MAGI2: variants seen among roughly 807,000 people sequenced by gnomAD.
MAGI2 encodes the protein membrane-associated guanylate kinase, WW and PDZ domain-containing protein 2.
In MAGI2, 35 loss-of-function variants were observed where a neutral mutation model predicts 133.3. The observed-to-expected ratio is 0.26, with a 90% CI of 0.20 to 0.35. The LOEUF (loss-of-function observed/expected upper bound fraction) is 0.35, where lower values mean the gene tolerates loss of function less well. MAGI2 is among the 10% of genes least tolerant of loss of function. MAGI2 has a pLI of 1.00. For missense variants in MAGI2, 1,636 were observed against 1,863.4 expected (o/e 0.88, Z 2.25); for synonymous variants, 729 against 710.6 (o/e 1.03, Z -0.41).
chr7:79,226,502 A>G (rs1830870846), intron 1 of MAGI2, among the ~76,000 whole-genome samples: 1 of 152,190 alleles, frequency 6.6e-6, no homozygotes, highest in South Asian at 2.1e-4. Flanking sequence ...TTCTAACATG[A>G]AAATATCTAA....
At chr7:79,197,939 C>A (rs1351133357) in intron 1 of MAGI2, among the ~76,000 whole-genome samples, 1 of 151,708 alleles carries the variant, frequency 6.6e-6, no homozygotes, top group Admixed American at 6.6e-5. Context: ...TTTGGAGGGA[C>A]CCAAACATTA....
intron 1 of MAGI2, among the ~76,000 whole-genome samples, chr7:79,235,377 G>T (rs1367237577): frequency 2.2e-4 from 33 of 152,144 alleles, no homozygotes; most frequent in Non-Finnish European, 3.8e-4. Context: ...GCAATGGCGG[G>T]CGCCCCTCCC....
chr7:79,321,870 C>G (rs1010192562), intron 1 of MAGI2, among the ~76,000 whole-genome samples: 2 of 152,052 alleles, frequency 1.3e-5, no homozygotes, highest in African/African-American at 2.4e-5. Flanking sequence ...AATAGTGTGC[C>G]CAATTATCAG....
At chr7:78,414,673 C>G (rs12154982) in intron 6 of MAGI2, among the ~76,000 whole-genome samples, 1,925 of 152,110 alleles carry the variant, frequency 0.013, 28 homozygotes, top group South Asian at 0.03. Context: ...CCCCTGCCCC[C>G]CTTCTTTTAG....
At chr7:79,220,747 C>A (rs994886733) in intron 1 of MAGI2, among the ~76,000 whole-genome samples, 1 of 152,084 alleles carries the variant, frequency 6.6e-6, no homozygotes, top group Admixed American at 6.6e-5. Flanking sequence ...CAAGTTGAAA[C>A]TTGTGTGTCT....
At chr7:79,039,310 T>C (rs1811403699) in intron 1 of MAGI2, among the ~76,000 whole-genome samples, 1 of 152,146 alleles carries the variant, frequency 6.6e-6, no homozygotes, top group Non-Finnish European at 1.5e-5. Flanking sequence ...GAATTGTGAG[T>C]CAATTAAACC....
At chr7:78,363,390 C>T (rs914880681) in intron 7 of MAGI2, among the ~76,000 whole-genome samples, 1 of 151,974 alleles carries the variant, frequency 6.6e-6, no homozygotes, top group Non-Finnish European at 1.5e-5. Context: ...CTACTCGGGA[C>T]GCTGAGGCAG....
chr7:78,707,280 T>G (rs1012652530), intron 2 of MAGI2, among the ~76,000 whole-genome samples: 1 of 152,136 alleles, frequency 6.6e-6, no homozygotes, highest in Non-Finnish European at 1.5e-5. Flanking sequence ...TTTTAAAAAT[T>G]ATATACCAAA....
At chr7:78,850,428 TAA>T (rs1388668143) in intron 2 of MAGI2, among the ~76,000 whole-genome samples, 1 of 152,072 alleles carries the variant, frequency 6.6e-6, no homozygotes, top group African/African-American at 2.4e-5. Context: ...TTATTATAAT[TAA>T]AAGTGAATAC....
chr7:79,355,001 C>A, intron 1 of MAGI2, among the ~76,000 whole-genome samples: 1 of 152,210 alleles, frequency 6.6e-6, no homozygotes, highest in Non-Finnish European at 1.5e-5. Context: ...CCTTCTCTAC[C>A]TGAGGAATAC....
rs10539344 is a variant in MAGI2, at chr7:79,170,137, C to CTTTTTTT, written c.302-162938_302-162932dup. ...TCAATGGTTACTTTGAGATATTATA[C>CTTTTTTT]TTTTTTTTTTTTTTTTTTTTTTTTT... is the stretch of plus-strand genomic sequence containing the variant. On this transcript the variant is annotated intron_variant, in intron 1 of 21. Transcript: ENST00000354212. Among the ~76,000 whole-genome samples the CTTTTTTT allele has an allele frequency of 4.7e-4, 20 of 42,950 alleles. 3 individuals carry two copies. Among genetic ancestry groups the CTTTTTTT allele is most frequent in the African/African-American group, 1.3e-3 (15 of 11,604 alleles). 28.2% of individuals were successfully genotyped at this position (42,950 alleles called of 152,430 possible).
chr7:79,303,285 C>A lies in MAGI2; in HGVS notation c.301+149735G>T, dbSNP rs193279512. Among the ~76,000 whole-genome samples, 234 of 107,618 alleles carry A rather than the reference C, an allele frequency of 2.2e-3. 1 individual carries two copies. Among genetic ancestry groups the A allele is most frequent in the African/African-American group, 7.4e-3 (214 of 28,808 alleles). 70.6% of individuals were successfully genotyped at this position (107,618 alleles called of 152,430 possible). On this transcript the variant is annotated intron_variant, in intron 1 of 21. Coordinates refer to ENST00000354212, the MANE Select transcript of MAGI2 (RefSeq NM_012301.4). Reference sequence around the variant, plus strand: ...CCATATAACCAAAAAACATTTGTACCCCAAAAGCCATTGAAATAAAAAAAA... The same window carrying A: ...CCATATAACCAAAAAACATTTGTACACCAAAAGCCATTGAAATAAAAAAAA...
intron 16 of MAGI2, among the ~76,000 whole-genome samples, chr7:78,153,144 C>T (rs1824053793): frequency 6.6e-6 from 1 of 152,200 alleles, no homozygotes; most frequent in Non-Finnish European, 1.5e-5. Context: ...GCACCAGTTG[C>T]ATCTATTACC....
At chr7:78,163,688 C>T (rs965905254) in intron 15 of MAGI2, among the ~76,000 whole-genome samples, 2 of 151,824 alleles carry the variant, frequency 1.3e-5, no homozygotes, top group African/African-American at 2.4e-5. Flanking sequence ...GGGCGGATCA[C>T]GAGGTCAGGA....
At chr7:78,596,806 T>A (rs1342992635) in intron 3 of MAGI2, among the ~76,000 whole-genome samples, 4 of 152,336 alleles carry the variant, frequency 2.6e-5, no homozygotes, top group Admixed American at 6.5e-5. Context: ...CAAGACATCC[T>A]CATCTTGACC....
At chr7:78,133,852 T>C (rs1478029210) in intron 17 of MAGI2, among the ~76,000 whole-genome samples, 2 of 152,168 alleles carry the variant, frequency 1.3e-5, no homozygotes, top group African/African-American at 4.8e-5. Flanking sequence ...CTCTCTCTCT[T>C]TTTTTGATTG....
intron 14 of MAGI2, among the ~76,000 whole-genome samples, chr7:78,174,931 G>GCAAT (rs1202233002): frequency 1.3e-5 from 2 of 152,192 alleles, no homozygotes; most frequent in Non-Finnish European, 2.9e-5. Context: ...TCCCTGGCTG[G>GCAAT]CAATCCTCTC....
At chr7:78,697,702 T>A (rs1434489379) in intron 2 of MAGI2, among the ~76,000 whole-genome samples, 2 of 152,172 alleles carry the variant, frequency 1.3e-5, no homozygotes, top group Non-Finnish European at 2.9e-5. Context: ...AATGGACATT[T>A]CCTAAAATGC....
rs573897927 is a variant in MAGI2, at chr7:78,963,891, G to A, written c.418+43199C>T. ...ACATTAATAAAATGTGGTGATTTTC[G>A]AACTCAGGGTTTTTTAATTTTGGTT... On this transcript the variant is annotated intron_variant, in intron 2 of 21. Coordinates refer to ENST00000354212, the MANE Select transcript of MAGI2 (RefSeq NM_012301.4). Among the ~76,000 whole-genome samples the A allele has an allele frequency of 2.2e-3, 339 of 152,042 alleles. 1 individual carries two copies. Among genetic ancestry groups the A allele is most frequent in the African/African-American group, 7.7e-3 (320 of 41,508 alleles).
Sources: gnomAD v4.1 joint callset for allele counts (sites outside exome capture counted in the v4.1 genomes callset) on GRCh38, gnomAD v4.1.1 for gene constraint, MANE v1.5 for transcripts, NCBI Gene and HGNC (gene_info 2026-07-23, HGNC 2026-07-21) for gene names.